The following CDH8 variants were observed in gnomAD, a reference collection of about 807,000 sequenced individuals.
CDH8 encodes the protein cadherin-8.
Under a neutral mutation model 68.1 loss-of-function variants are expected in CDH8, and 17 were observed. The ratio of observed to expected loss-of-function variants is 0.25; its 90% CI spans 0.17 to 0.37. CDH8 has a LOEUF of 0.37. CDH8 is among the 10% of genes least tolerant of loss of function. The pLI is 1.00. For missense variants in CDH8, 763 were observed against 999.3 expected, an observed-to-expected ratio of 0.76 and a Z score of 3.19; for synonymous variants, 372 against 365.1, an observed-to-expected ratio of 1.02 and a Z score of -0.21.
intron 3 of CDH8, among the ~76,000 whole-genome samples, chr16:61,867,690 A>G (rs1305415340): frequency 1.3e-5 from 2 of 152,098 alleles, no homozygotes; most frequent in African/African-American, 4.8e-5. Flanking sequence ...TAATATTCCC[A>G]ACTACTTTAT....
chr16:61,833,532 C>T (rs1962507067), intron 4 of CDH8, among the ~76,000 whole-genome samples: 1 of 151,832 alleles, frequency 6.6e-6, no homozygotes, highest in Non-Finnish European at 1.5e-5. Flanking sequence ...AAGATGTGAA[C>T]ATCTCTCACC....
intron 7 of CDH8, among the ~76,000 whole-genome samples, chr16:61,791,050 T>A (rs1301728776): frequency 6.6e-6 from 1 of 151,990 alleles, no homozygotes; most frequent in African/African-American, 2.4e-5. Flanking sequence ...TTAAAATGAC[T>A]TAATTTCTCA....
At chr16:61,862,515 T>C (rs1207740537) in intron 3 of CDH8, among the ~76,000 whole-genome samples, 3 of 152,112 alleles carry the variant, frequency 2.0e-5, no homozygotes, top group African/African-American at 7.2e-5. Context: ...GAAATCCACA[T>C]CCTTCAGCTT....
chr16:61,671,781 G>A (rs555578328), intron 10 of CDH8, among the ~76,000 whole-genome samples: 1 of 152,008 alleles, frequency 6.6e-6, no homozygotes, highest in African/African-American at 2.4e-5. Flanking sequence ...ACACAAGAAT[G>A]ACTTTACATT....
chr16:61,817,314 AC>A (rs1962098076), intron 7 of CDH8, among the ~76,000 whole-genome samples, 164 bp downstream of exon 7: 2 of 54,368 alleles, frequency 3.7e-5, no homozygotes. Context: ...TGTACACACC[AC>A]ACACACACAC....
chr16:61,970,784 C>T (rs1032266700), intron 2 of CDH8, among the ~76,000 whole-genome samples: 1 of 152,210 alleles, frequency 6.6e-6, no homozygotes, highest in Admixed American at 6.5e-5. Context: ...AAGACTGGCC[C>T]CTGTCAGGCC....
rs894928768 is a variant in CDH8 at position 61,647,975 on chromosome 16, G to A, written c.*5633C>T. On this transcript the variant is annotated 3_prime_UTR_variant, in exon 12 of 12. Transcript: ENST00000577390. ...TTGCATTCAAGATGTGAATTAGATG[G>A]TGGCAGGTAACTCAAGTTGGGGAAA... 4 of 632,672 alleles carry A rather than the reference G, an allele frequency of 6.3e-6. No individual in the cohort carries two copies. Among genetic ancestry groups the A allele is most frequent in the Non-Finnish European group, 1.1e-5 (4 of 350,886 alleles). 39.2% of individuals were successfully genotyped at this position (632,672 alleles called of 1,614,324 possible). A position where few individuals can be genotyped will look rare whatever the true frequency, so the allele number is the denominator to read the frequency against.
chr16:61,981,441 TC>T (rs1965526594), intron 2 of CDH8, among the ~76,000 whole-genome samples: 1 of 152,190 alleles, frequency 6.6e-6, no homozygotes, highest in Admixed American at 6.5e-5. Flanking sequence ...TCTGTAGGAA[TC>T]TAAAGCTGAA....
At chr16:61,986,296 G>A (rs150982435) in intron 2 of CDH8, among the ~76,000 whole-genome samples, 2 of 152,096 alleles carry the variant, frequency 1.3e-5, no homozygotes, top group Admixed American at 6.6e-5. Context: ...GGAATACTAC[G>A]TAGAAAATGC....
chr16:61,940,266 C>A (rs1282213084), intron 2 of CDH8: 2 of 152,092 alleles, frequency 1.3e-5, no homozygotes, highest in Non-Finnish European at 1.5e-5. Context: ...CTGCTCCTTG[C>A]CCCATCTAAT....
intron 8 of CDH8, among the ~76,000 whole-genome samples, chr16:61,746,556 AACAC>A (rs71675273): frequency 0.091 from 12,715 of 140,062 alleles, 1,458 homozygotes; most frequent in African/African-American, 0.27. Flanking sequence ...ATTCCCCCCC[AACAC>A]ACACACACAC....
intron 8 of CDH8, among the ~76,000 whole-genome samples, chr16:61,749,064 G>A (rs934511466): frequency 2.6e-5 from 4 of 152,158 alleles, no homozygotes; most frequent in Admixed American, 6.6e-5. Flanking sequence ...CAATATTGAG[G>A]TAAGGCAGAG....
At chr16:61,816,712 C>G (rs1026633651) in intron 7 of CDH8, among the ~76,000 whole-genome samples, 28 of 151,970 alleles carry the variant, frequency 1.8e-4, no homozygotes, top group African/African-American at 6.3e-4. Flanking sequence ...GCTGGAGAAC[C>G]TGTACTGTCA....
At chr16:61,862,632 G>A (rs746540622) in intron 3 of CDH8, among the ~76,000 whole-genome samples, 3 of 152,208 alleles carry the variant, frequency 2.0e-5, no homozygotes, top group Non-Finnish European at 4.4e-5. Context: ...ATAGATGTGT[G>A]TAGAGGTTTT....
intron 3 of CDH8, among the ~76,000 whole-genome samples, chr16:61,869,465 G>A (rs1427013657): frequency 6.6e-6 from 1 of 152,146 alleles, no homozygotes; most frequent in Non-Finnish European, 1.5e-5. Context: ...TTCAAAGGTA[G>A]TCTGTGATTT....
intron 10 of CDH8, among the ~76,000 whole-genome samples, chr16:61,660,456 T>C (rs572825955): frequency 6.6e-6 from 1 of 151,216 alleles, no homozygotes; most frequent in African/African-American, 2.4e-5. Context: ...AAGCAGAGCC[T>C]CAAAAAAATG....
intron 8 of CDH8, among the ~76,000 whole-genome samples, chr16:61,784,971 C>T (rs1164156235): frequency 1.3e-5 from 2 of 150,440 alleles, no homozygotes; most frequent in South Asian, 2.1e-4. Flanking sequence ...ACTAAATGCC[C>T]ACAAGAGAAA....
At chr16:61,816,853 G>A (rs1962087207) in intron 7 of CDH8, among the ~76,000 whole-genome samples, 1 of 152,030 alleles carries the variant, frequency 6.6e-6, no homozygotes, top group Admixed American at 6.6e-5. Flanking sequence ...GAAAAATTTT[G>A]AGCAGAAAAA....
At chr16:61,675,610 A>T (rs1338922674) in intron 10 of CDH8, among the ~76,000 whole-genome samples, 9 of 74,484 alleles carry the variant, frequency 1.2e-4, no homozygotes, top group African/African-American at 5.0e-4. Flanking sequence ...AAAAAAAAAT[A>T]AAAAAAATAA....
Sources: gnomAD v4.1 joint callset for allele counts (sites outside exome capture counted in the v4.1 genomes callset) on GRCh38, gnomAD v4.1.1 for gene constraint, MANE v1.5 for transcripts, NCBI Gene and HGNC (gene_info 2026-07-23, HGNC 2026-07-21) for gene names.